Variants in AARS1 observed in about 807,000 individuals in gnomAD.
AARS1 encodes alanyl-tRNA synthetase 1.
A neutral mutation model predicts 108.9 loss-of-function variants in AARS1; 72 were observed. The ratio of observed to expected loss-of-function variants is 0.66; its 90% confidence interval spans 0.55 to 0.80. The LOEUF (loss-of-function observed/expected upper bound fraction) is 0.80. Ranked by LOEUF, AARS1 falls within the 30% of genes least tolerant of loss-of-function variation. The pLI is 0.00. For missense variants in AARS1, 1,193 were observed against 1,233.2 expected (o/e 0.97, Z 0.49); for synonymous variants, 489 against 465.7 (o/e 1.05, Z -0.64).
Position 70,267,044 on chromosome 16 carries a change from G to T in AARS1, c.1222+615C>A, listed in dbSNP as rs184567368. ...GTAGAGACGGGGTTTTGCCATGTTGGGCAGGCTGGTCTTGAACTCATGACC... is the reference window on the plus strand; with the variant it reads ...GTAGAGACGGGGTTTTGCCATGTTGTGCAGGCTGGTCTTGAACTCATGACC... On this transcript the variant is annotated intron_variant, in intron 9 of 20. Coordinates refer to ENST00000261772, the MANE Select transcript of AARS1 (RefSeq NM_001605.3). Among the ~76,000 whole-genome samples the T allele has an allele frequency of 1.6e-4, 25 of 152,020 alleles. No individual in the cohort carries two copies. The East Asian group carries it at 4.8e-3, about 29-fold the overall frequency.
chr16:70,255,861 T>C (rs1392389021), intron 15 of AARS1, 25 bp from the exon 16 acceptor site: 7 of 1,603,120 alleles, frequency 4.4e-6, no homozygotes, highest in Middle Eastern at 1.7e-4. Flanking sequence ...ACAAAGTCCA[T>C]AGTGAAAGAG....
At chr16:70,260,518 G>T (rs916027661) in intron 13 of AARS1, among the ~76,000 whole-genome samples, 3 of 152,180 alleles carry the variant, frequency 2.0e-5, no homozygotes, top group African/African-American at 7.2e-5. Context: ...GTGAAAACAA[G>T]TCCACGGGAT....
At chr16:70,268,847 A>T (rs745915742) in intron 7 of AARS1, among the ~76,000 whole-genome samples, 1 of 152,224 alleles carries the variant, frequency 6.6e-6, no homozygotes, top group Non-Finnish European at 1.5e-5. Flanking sequence ...TTCATCCCTT[A>T]AAAAAGGGGT....
At chr16:70,254,770 G>T in intron 16 of AARS1, 36 bp from the exon 17 acceptor site, 5 of 1,405,734 alleles carry the variant, frequency 3.6e-6, no homozygotes, top group Non-Finnish European at 5.0e-6. Context: ...CAAGCAGGAG[G>T]TCTGAGTCAG....
chr16:70,269,529 A>G, intron 7 of AARS1, 89 bp downstream of exon 7: 2 of 1,573,668 alleles, frequency 1.3e-6, no homozygotes, highest in Non-Finnish European at 8.6e-7. Context: ...GCAACACTCA[A>G]TCTCACACAC....
chr16:70,289,254 G>T lies in AARS1; in HGVS notation c.-22+167C>A, dbSNP rs567621425. 2.0e-5 allele frequency among the ~76,000 whole-genome samples: 3 copies of T among 152,204 alleles called. No homozygotes were observed. The East Asian group carries it at 5.8e-4, about 30-fold the overall frequency. On this transcript the variant is annotated intron_variant, in intron 1 of 20. Transcript: ENST00000261772. Reference sequence around the variant, plus strand: ...GCCGCGACACTCGCAGCGCTCCCGGGGGCGAACGCAAGGCCACACTGTCCA... The same window carrying T: ...GCCGCGACACTCGCAGCGCTCCCGGTGGCGAACGCAAGGCCACACTGTCCA...
chr16:70,281,967 C>T (rs769176087), intron 2 of AARS1, among the ~76,000 whole-genome samples: 9 of 151,946 alleles, frequency 5.9e-5, no homozygotes, highest in Non-Finnish European at 1.2e-4. Context: ...CTGGCTAACA[C>T]GGTGAAACCC....
chr16:70,271,171 T>C (rs1960391916), intron 5 of AARS1, among the ~76,000 whole-genome samples: 1 of 146,022 alleles, frequency 6.8e-6, no homozygotes. Context: ...CAAGACTCCA[T>C]CTCCAAAAAC....
intron 15 of AARS1, among the ~76,000 whole-genome samples, chr16:70,256,306 T>G (rs992257742): frequency 3.9e-5 from 6 of 152,242 alleles, no homozygotes; most frequent in South Asian, 2.1e-4. Flanking sequence ...GTATAGTTTT[T>G]TTTGTTTGTT....
At chr16:70,254,536 C>T (rs776414094) in intron 17 of AARS1, 85 bp downstream of exon 17, 79 of 1,000,368 alleles carry the variant, frequency 7.9e-5, no homozygotes, top group Non-Finnish European at 1.2e-4. Flanking sequence ...GAACCAGGGC[C>T]TGACTGACTA....
chr16:70,267,843 G>A (rs1364659268), intron 8 of AARS1, 34 bp from the exon 9 acceptor site: 3 of 1,614,016 alleles, frequency 1.9e-6, no homozygotes, highest in South Asian at 1.1e-5. Context: ...GGGGCTGGAT[G>A]AAGCCAGAGA....
rs533746946 is a variant in AARS1 at position 70,260,808 on chromosome 16, G to A, written c.1785+236C>T. ...CTCCCGAGTAGCTGGGACTATAGGC[G>A]CCTGCCACCACGCCCAGCTCATTTT... On this transcript the variant is annotated intron_variant, in intron 13 of 20. Transcript: ENST00000261772. Among the ~76,000 whole-genome samples, 111 of 152,106 alleles carry A rather than the reference G, an allele frequency of 7.3e-4. 3 individuals carry two copies. The South Asian group carries it at 0.022, about 30-fold the overall frequency.
At chr16:70,283,856 A>T (rs189411269) in intron 1 of AARS1, among the ~76,000 whole-genome samples, 5 of 152,340 alleles carry the variant, frequency 3.3e-5, no homozygotes, top group African/African-American at 9.6e-5. Flanking sequence ...TTGGAGGCAC[A>T]GCTTACTGAA....
chr16:70,288,773 G>A (rs143198392), intron 1 of AARS1, among the ~76,000 whole-genome samples: 1 of 151,242 alleles, frequency 6.6e-6, no homozygotes, highest in Non-Finnish European at 1.5e-5. Context: ...CACCATGTTG[G>A]CCAGGCTAGT....
intron 2 of AARS1, among the ~76,000 whole-genome samples, chr16:70,279,435 G>A (rs1469024490): frequency 1.3e-5 from 2 of 150,884 alleles, no homozygotes; most frequent in East Asian, 1.9e-4. Context: ...CGAGATGTGC[G>A]GATCACCTGA....
At position 70,277,305 on chromosome 16, in the gene AARS1, TG is replaced by T. The variant is rs1162844472; in HGVS notation, c.145-152del. 4 of 901,862 alleles carry T rather than the reference TG, an allele frequency of 4.4e-6. No individual in the cohort carries two copies. In the East Asian group the frequency reaches 1.0e-4, roughly 23 times the overall value. 55.9% of individuals were successfully genotyped at this position (901,862 alleles called of 1,614,324 possible). On this transcript the variant is annotated intron_variant, in intron 2 of 20. Transcript: ENST00000261772. ...ACACTTGTCAGAACAGGTGGCCTGG[TG>T]GAGCCAAAGCAGAGGGTAGCCTCTC...
At chr16:70,287,955 G>A (rs1223274394) in intron 1 of AARS1, among the ~76,000 whole-genome samples, 1 of 151,864 alleles carries the variant, frequency 6.6e-6, no homozygotes, top group Non-Finnish European at 1.5e-5. Flanking sequence ...AGTAGAGACG[G>A]GGTTTCTCCA....
rs13338059 is a variant in AARS1, at chr16:70,275,720, G to A, written c.479+766C>T. Among the ~76,000 whole-genome samples, 788 of 151,150 alleles carry A rather than the reference G, an allele frequency of 5.2e-3. 7 individuals carry two copies. Among genetic ancestry groups the A allele is most frequent in the African/African-American group, 0.018 (729 of 41,204 alleles). On this transcript the variant is annotated intron_variant, in intron 4 of 20. Transcript: ENST00000261772. The stretch of plus-strand genomic sequence containing the variant: ...GGAGCTTGCAGTGAGCTGAGATCGC[G>A]CCACTGCACTCCAGCCTGGGTGACA...
At position 70,276,635 on chromosome 16, in the gene AARS1, C is replaced by A; in HGVS notation, c.334-4G>T. The A allele has an allele frequency of 6.2e-7, 1 of 1,613,786 alleles. No individual in the cohort carries two copies. Among genetic ancestry groups the A allele is most frequent in the Non-Finnish European group, 8.5e-7 (1 of 1,180,006 alleles). ...GAGCCATCTTACATGCCAATTCCTACAAAAAGAACAGAGAGAAAGATATGG... is the reference window on the plus strand; with the variant it reads ...GAGCCATCTTACATGCCAATTCCTAAAAAAAGAACAGAGAGAAAGATATGG... On this transcript the variant is annotated splice_polypyrimidine_tract_variant and splice_region_variant and intron_variant, in intron 3 of 20. Transcript: ENST00000261772.
Sources: gnomAD v4.1 joint callset for allele counts (sites outside exome capture counted in the v4.1 genomes callset) on GRCh38, gnomAD v4.1.1 for gene constraint, MANE v1.5 for transcripts, NCBI Gene and HGNC (gene_info 2026-07-23, HGNC 2026-07-21) for gene names.